The following SHROOM4 variants were observed in gnomAD, a reference collection of about 807,000 sequenced individuals.
SHROOM4 encodes protein Shroom4.
SHROOM4 carries 17 observed loss-of-function variants against 80.3 expected under a neutral mutation model. That is an observed-to-expected ratio of 0.21 (90% CI 0.14 to 0.32). The LOEUF (loss-of-function observed/expected upper bound fraction) is 0.32, where lower values mean the gene tolerates loss of function less well. SHROOM4 is among the 10% of genes least tolerant of loss of function. SHROOM4 has a pLI of 1.00. For missense variants in SHROOM4, 993 were observed against 1,140.3 expected (o/e 0.87, Z 1.86); for synonymous variants, 400 against 437.5 (o/e 0.91, Z 1.07).
chrX:50,681,336 A>G (rs782464796), intron 2 of SHROOM4, among the ~76,000 whole-genome samples: 1 of 111,442 alleles, frequency 9.0e-6, no homozygotes, highest in South Asian at 3.8e-4. Flanking sequence ...CAGAGCCTAC[A>G]AGGCCCTGTG....
intron 1 of SHROOM4, among the ~76,000 whole-genome samples, chrX:50,801,291 A>AGAGAG (rs782711842): frequency 1.9e-5 from 2 of 103,515 alleles, no homozygotes; most frequent in Admixed American, 1.0e-4. Flanking sequence ...AGAGAGAGAG[A>AGAGAG]ACACGTACTG....
chrX:50,705,989 TACAC>T (rs56363612), intron 1 of SHROOM4, among the ~76,000 whole-genome samples: 3,599 of 74,076 alleles, frequency 0.049, 69 homozygotes, highest in Middle Eastern at 0.073. Flanking sequence ...TCTCATCCTC[TACAC>T]ACACACACAC....
intron 2 of SHROOM4, among the ~76,000 whole-genome samples, chrX:50,640,406 A>AC (rs1230589089): frequency 2.2e-5 from 2 of 91,049 alleles, no homozygotes; most frequent in Non-Finnish European, 4.3e-5. Context: ...CTCTCCCCCT[A>AC]CCCCCCCTCC....
chrX:50,763,372 C>T (rs1406543476), intron 1 of SHROOM4, among the ~76,000 whole-genome samples: 2 of 110,950 alleles, frequency 1.8e-5, no homozygotes, highest in East Asian at 5.6e-4. Flanking sequence ...TATTATCTAC[C>T]CCTACAACCT....
intron 2 of SHROOM4, among the ~76,000 whole-genome samples, chrX:50,681,331 C>T (rs149012307): frequency 2.8e-4 from 31 of 111,542 alleles, no homozygotes; most frequent in African/African-American, 1.0e-3. Context: ...CTTACCAGAG[C>T]CTACAAGGCC....
intron 1 of SHROOM4, among the ~76,000 whole-genome samples, chrX:50,795,050 TGATATATATATGA>T (rs1935940250): frequency 5.3e-4 from 2 of 3,742 alleles, no homozygotes; most frequent in African/African-American, 5.8e-4. Context: ...CATATATATA[TGATATATATATGA>T]TATATATATA....
rs782231766 is a variant in SHROOM4, at chrX:50,595,639, T to C, written c.*1056A>G. 1.2e-5 allele frequency: 3 copies of C among 250,956 alleles called. No individual in the cohort carries two copies. The highest frequency in any genetic ancestry group is 2.1e-4 in the East Asian group (2 of 9,467). 20.7% of individuals were successfully genotyped at this position (250,956 alleles called of 1,213,427 possible). ...GAGGCTCTGAGTTCAAGGGGAAAAC[T>C]CCTTCCTAGACATCGGTAGCTATGG... On this transcript the variant is annotated 3_prime_UTR_variant, in exon 9 of 9. Transcript: ENST00000376020.
intron 1 of SHROOM4, among the ~76,000 whole-genome samples, chrX:50,811,364 C>T (rs782741249): frequency 9.1e-6 from 1 of 109,842 alleles, no homozygotes; most frequent in South Asian, 4.0e-4. Flanking sequence ...TTAAAGACCA[C>T]CCACTTGAAT....
At chrX:50,719,850 C>G (rs1557265278) in intron 1 of SHROOM4, among the ~76,000 whole-genome samples, 1 of 112,407 alleles carries the variant, frequency 8.9e-6, no homozygotes, top group African/African-American at 3.2e-5. Flanking sequence ...TGTCAAAATG[C>G]AGCATCAGCA....
chrX:50,736,421 C>T (rs782035633), intron 1 of SHROOM4, among the ~76,000 whole-genome samples: 1 of 110,657 alleles, frequency 9.0e-6, no homozygotes, highest in Non-Finnish European at 1.9e-5. Context: ...AGCATACCCC[C>T]CAACAAGCCC....
At chrX:50,722,883 C>T (rs1557265553) in intron 1 of SHROOM4, among the ~76,000 whole-genome samples, 1 of 110,649 alleles carries the variant, frequency 9.0e-6, no homozygotes, top group African/African-American at 3.3e-5. Flanking sequence ...TGTAGGGAAG[C>T]ACTGATTGTT....
chrX:50,805,045 C>G (rs1936199556), intron 1 of SHROOM4, among the ~76,000 whole-genome samples: 1 of 111,428 alleles, frequency 9.0e-6, no homozygotes, highest in South Asian at 3.8e-4. Context: ...AGATGCCATC[C>G]AAAGCTGCCT....
chrX:50,745,447 A>G (rs1934753541), intron 1 of SHROOM4, among the ~76,000 whole-genome samples: 1 of 110,306 alleles, frequency 9.1e-6, no homozygotes, highest in Non-Finnish European at 1.9e-5. Context: ...AAAAACAAAA[A>G]AACAAAAAAA....
intron 1 of SHROOM4, among the ~76,000 whole-genome samples, chrX:50,717,947 T>G (rs781812660): frequency 2.9e-4 from 32 of 112,049 alleles, no homozygotes; most frequent in Non-Finnish European, 5.5e-4. Flanking sequence ...ACTGGAAATG[T>G]GAATAACATT....
chrX:50,746,227 G>C (rs1239825647), intron 1 of SHROOM4, among the ~76,000 whole-genome samples: 1 of 111,513 alleles, frequency 9.0e-6, no homozygotes, highest in Non-Finnish European at 1.9e-5. Context: ...TGTGCCCTTT[G>C]TATTGCCACC....
chrX:50,628,137 C>T (rs1557253466), intron 4 of SHROOM4, among the ~76,000 whole-genome samples: 1 of 111,497 alleles, frequency 9.0e-6, no homozygotes, highest in East Asian at 2.8e-4. Flanking sequence ...GCAGAAGCTC[C>T]GGCTGCAGCA....
chrX:50,652,032 A>G (rs1312692754), intron 2 of SHROOM4, among the ~76,000 whole-genome samples: 4 of 111,890 alleles, frequency 3.6e-5, no homozygotes, highest in Non-Finnish European at 3.8e-5. Flanking sequence ...CAGTAGTGCT[A>G]CAATAAACAT....
chrX:50,736,612 T>G (rs1934499108), intron 1 of SHROOM4, among the ~76,000 whole-genome samples: 1 of 112,384 alleles, frequency 8.9e-6, no homozygotes, highest in Non-Finnish European at 1.9e-5. Context: ...GGCTGCACAG[T>G]ATTCCTACCA....
At chrX:50,764,620 G>A (rs1935233129) in intron 1 of SHROOM4, among the ~76,000 whole-genome samples, 2 of 111,362 alleles carry the variant, frequency 1.8e-5, no homozygotes, top group South Asian at 7.7e-4. Flanking sequence ...TCAATATACT[G>A]AATTCCCTGA....
Sources: gnomAD v4.1 joint callset for allele counts (sites outside exome capture counted in the v4.1 genomes callset) on GRCh38, gnomAD v4.1.1 for gene constraint, MANE v1.5 for transcripts, NCBI Gene and HGNC (gene_info 2026-07-23, HGNC 2026-07-21) for gene names.